MCF2L2: variants seen among roughly 807,000 people sequenced by gnomAD.
The protein encoded by MCF2L2 is MCF.2 cell line derived transforming sequence-like 2.
MCF2L2 carries 102 observed loss-of-function variants against 150.2 expected under a neutral mutation model. That is an observed-to-expected ratio of 0.68 (90% confidence interval 0.58 to 0.80). The LOEUF is 0.80. Among genes scored for constraint, MCF2L2 ranks in the 30% least tolerant of loss-of-function variants. The pLI is 0.00. For missense variants in MCF2L2, 1,256 were observed against 1,372.8 expected, an observed-to-expected ratio of 0.91 and a Z score of 1.34; for synonymous variants, 465 against 491.3, an observed-to-expected ratio of 0.95 and a Z score of 0.71.
intron 14 of MCF2L2, among the ~76,000 whole-genome samples, chr3:183,286,036 G>C (rs11916792): frequency 0.02 from 3,014 of 152,284 alleles, 59 homozygotes; most frequent in East Asian, 0.052. Flanking sequence ...ACGTCAGTGA[G>C]CCAAGTGCAG....
chr3:183,312,045 G>C (rs927543469), intron 7 of MCF2L2, among the ~76,000 whole-genome samples: 1 of 152,078 alleles, frequency 6.6e-6, no homozygotes, highest in Non-Finnish European at 1.5e-5. Context: ...TCAAGCTATT[G>C]TTGTAAATTA....
chr3:183,220,011 A>G, intron 20 of MCF2L2, 87 bp from the exon 21 acceptor site: 1 of 902,074 alleles, frequency 1.1e-6, no homozygotes, highest in Admixed American at 1.8e-5. Flanking sequence ...TGTGCAAACT[A>G]TCTGCCACCA....
intron 14 of MCF2L2, among the ~76,000 whole-genome samples, chr3:183,278,048 G>A (rs1276841341): frequency 6.6e-6 from 1 of 151,162 alleles, no homozygotes; most frequent in African/African-American, 2.4e-5. Context: ...AGCCGGGCAT[G>A]GTGGCAGGCA....
intron 3 of MCF2L2, among the ~76,000 whole-genome samples, chr3:183,370,293 C>G (rs1184563505): frequency 6.6e-6 from 1 of 152,176 alleles, no homozygotes; most frequent in East Asian, 1.9e-4. Flanking sequence ...TCGTGTGGAA[C>G]CAGCAGATGC....
At chr3:183,240,299 G>A (rs1190128457) in intron 15 of MCF2L2, among the ~76,000 whole-genome samples, 3 of 152,188 alleles carry the variant, frequency 2.0e-5, no homozygotes, top group East Asian at 3.8e-4. Context: ...GCATGATCTC[G>A]GCTCATTGCA....
At position 183,309,957 on chromosome 3, in the gene MCF2L2, T is replaced by C; in HGVS notation, c.994-122A>G. The C allele has an allele frequency of 8.6e-6, 10 of 1,160,468 alleles. No individual in the cohort carries two copies. The South Asian group carries it at 1.2e-4, about 14-fold the overall frequency. The allele number at this position is 1,160,468 out of a possible 1,614,324, so 71.9% of individuals were successfully genotyped here. A position where few individuals can be genotyped will look rare whatever the true frequency, so the allele number is the denominator to read the frequency against. ...AGGATTCAAGACTTGTATATATCTATATATGTTAAAAATTTTTTTTTTGCA... is the reference window on the plus strand; with the variant it reads ...AGGATTCAAGACTTGTATATATCTACATATGTTAAAAATTTTTTTTTTGCA... On this transcript the variant is annotated intron_variant, in intron 9 of 29. Transcript: ENST00000328913.
chr3:183,273,200 A>G (rs1726935441), intron 15 of MCF2L2: 2 of 457,080 alleles, frequency 4.4e-6, no homozygotes, highest in Admixed American at 8.6e-5. Flanking sequence ...TGAATAGAAG[A>G]TGGTTATACA....
At chr3:183,323,120 C>T in intron 6 of MCF2L2, 115 bp downstream of exon 6, 2 of 677,770 alleles carry the variant, frequency 3.0e-6, no homozygotes, top group Non-Finnish European at 5.1e-6. Flanking sequence ...ATCCCAACCA[C>T]CCCAAGGTCA....
chr3:183,424,371 A>C (rs527307040), intron 1 of MCF2L2, among the ~76,000 whole-genome samples: 1 of 152,344 alleles, frequency 6.6e-6, no homozygotes, highest in African/African-American at 2.4e-5. Flanking sequence ...GTTTACTTTC[A>C]AATGGGGTTT....
intron 15 of MCF2L2, among the ~76,000 whole-genome samples, chr3:183,259,667 C>T (rs1034928031): frequency 3.9e-5 from 6 of 152,072 alleles, no homozygotes; most frequent in African/African-American, 7.2e-5. Context: ...TCCCTGAGTC[C>T]GGTACTTTTT....
chr3:183,318,288 C>T, intron 6 of MCF2L2, 71 bp from the exon 7 acceptor site: 1 of 1,537,616 alleles, frequency 6.5e-7, no homozygotes, highest in Admixed American at 1.7e-5. Flanking sequence ...GATGGAAAGA[C>T]AACAGATTTA....
chr3:183,183,966 C>T (rs958800658), intron 27 of MCF2L2, among the ~76,000 whole-genome samples: 2 of 152,114 alleles, frequency 1.3e-5, no homozygotes, highest in African/African-American at 4.8e-5. Flanking sequence ...AACACACAGG[C>T]TCTTGACAAA....
In MCF2L2 at chr3:183,389,776, T is replaced by G; in HGVS notation, c.80A>C (p.Glu27Ala). The G allele has an allele frequency of 6.2e-7, 1 of 1,612,960 alleles. No individual in the cohort carries two copies. Among genetic ancestry groups the G allele is most frequent in the East Asian group, 2.2e-5 (1 of 44,876 alleles). ...GGGTCTGACTTCCTGCTGCATAATTTCATCTGCACAAATGAAATACAAAGT... is the reference window on the plus strand; with the variant it reads ...GGGTCTGACTTCCTGCTGCATAATTGCATCTGCACAAATGAAATACAAAGT... The part of the protein sequence containing the change: ...RLATVITHVD[E>A]IMQQEVRPLM... The change falls in exon 2 of 30, where the codon GAA (glutamate) becomes GCA (alanine). Residue 27 changes from glutamate to alanine, a missense_variant. Glu to Ala is a moderately radical substitution (Grantham distance 107). Transcript: ENST00000328913.
rs571155020 is a variant in MCF2L2 at position 183,413,679 on chromosome 3, C to G, written c.76+14223G>C. The stretch of plus-strand genomic sequence containing the variant: ...TCGCCCTGTAAAGCCCTGCAGTAGT[C>G]TGTAAGCAGGGCTGCCTCCTCTGCT... On this transcript the variant is annotated intron_variant, in intron 1 of 29. Coordinates refer to ENST00000328913, the MANE Select transcript of MCF2L2 (RefSeq NM_015078.4). Among the ~76,000 whole-genome samples the G allele has an allele frequency of 9.1e-4, 139 of 152,342 alleles. 1 individual carries two copies. The highest frequency in any genetic ancestry group is 3.2e-3 in the African/African-American group (133 of 41,580).
At chr3:183,417,188 T>G (rs915916994) in intron 1 of MCF2L2, among the ~76,000 whole-genome samples, 19 of 143,726 alleles carry the variant, frequency 1.3e-4, no homozygotes, top group African/African-American at 4.9e-4. Context: ...AGGATGTGCA[T>G]AGGTTAATCA....
chr3:183,295,531 G>C (rs746650075), intron 12 of MCF2L2, 54 bp from the exon 13 acceptor site: 6 of 1,551,350 alleles, frequency 3.9e-6, no homozygotes, highest in Non-Finnish European at 4.4e-6. Context: ...TACAGCCTGA[G>C]GACACGAAGC....
chr3:183,234,581 A>G (rs1723718124), intron 15 of MCF2L2, among the ~76,000 whole-genome samples: 3 of 151,808 alleles, frequency 2.0e-5, no homozygotes, highest in Admixed American at 1.3e-4. Context: ...TCAAATTAAT[A>G]TATGACTTAA....
At chr3:183,207,497 C>T in intron 23 of MCF2L2, 111 bp downstream of exon 23, 1 of 800,546 alleles carries the variant, frequency 1.2e-6, no homozygotes, top group Non-Finnish European at 2.0e-6. Context: ...TGGTATTTGG[C>T]AAGTTAACTT....
intron 27 of MCF2L2, among the ~76,000 whole-genome samples, chr3:183,188,813 A>G (rs1398380845): frequency 1.3e-5 from 2 of 152,130 alleles, no homozygotes; most frequent in Non-Finnish European, 2.9e-5. Flanking sequence ...TCTACTAAAA[A>G]TTCAAAAATT....
Sources: gnomAD v4.1 joint callset for allele counts (sites outside exome capture counted in the v4.1 genomes callset) on GRCh38, gnomAD v4.1.1 for gene constraint, MANE v1.5 for transcripts, NCBI Gene and HGNC (gene_info 2026-07-23, HGNC 2026-07-21) for gene names.